MAP3K15: variants seen among roughly 807,000 people sequenced by gnomAD.
MAP3K15 encodes MAPK/ERK kinase kinase 15.
Under a neutral mutation model 99.5 loss-of-function variants are expected in MAP3K15, and 124 were observed. The ratio of observed to expected loss-of-function variants is 1.25; its 90% CI spans 1.08 to 1.45. The LOEUF (loss-of-function observed/expected upper bound fraction) is 1.45, where lower values mean the gene tolerates loss of function less well. Among genes scored for constraint, MAP3K15 ranks in the 40% most tolerant of loss-of-function variants. MAP3K15 has a pLI of 0.00. For missense variants in MAP3K15, 1,242 were observed against 1,079.7 expected, an observed-to-expected ratio of 1.15 and a Z score of -2.11; for synonymous variants, 494 against 439.6, an observed-to-expected ratio of 1.12 and a Z score of -1.55.
chrX:19,399,545 CA>C (rs1430068604), intron 14 of MAP3K15, among the ~76,000 whole-genome samples: 1 of 105,202 alleles, frequency 9.5e-6, no homozygotes, highest in Non-Finnish European at 2.0e-5. Context: ...GCCTGGGTAA[CA>C]GAGGAAGACT....
At chrX:19,465,796 G>A (rs1351757483) in intron 3 of MAP3K15, among the ~76,000 whole-genome samples, 1 of 104,083 alleles carries the variant, frequency 9.6e-6, no homozygotes, top group Non-Finnish European at 1.9e-5. Flanking sequence ...TACCAGTGTT[G>A]TAAGTAGAAA....
intron 6 of MAP3K15, among the ~76,000 whole-genome samples, chrX:19,444,919 A>G (rs981161349): frequency 1.8e-5 from 2 of 110,181 alleles, no homozygotes; most frequent in African/African-American, 6.6e-5. Flanking sequence ...CCCTCTCCCC[A>G]CTACCCCTGG....
At chrX:19,436,201 G>A (rs1441393055) in intron 6 of MAP3K15, among the ~76,000 whole-genome samples, 2 of 109,812 alleles carry the variant, frequency 1.8e-5, no homozygotes, top group African/African-American at 6.6e-5. Context: ...AATCACCTAG[G>A]AGCTTAAATC....
rs761246318 is a variant in MAP3K15, at chrX:19,393,760, C to CTTTTTTTTTTTTTT, written c.2195-1301_2195-1288dup. Among the ~76,000 whole-genome samples the CTTTTTTTTTTTTTT allele has an allele frequency of 1.3e-4, 8 of 60,243 alleles. 1 individual carries two copies. The highest frequency in any genetic ancestry group is 5.4e-4 in the African/African-American group (7 of 13,021). The allele number at this position is 60,243 out of a possible 115,157, so 52.3% of individuals were successfully genotyped here. A position where few individuals can be genotyped will look rare whatever the true frequency, so the allele number is the denominator to read the frequency against. ...TGAAAATCTAGCCCACTGCCTGGCT[C>CTTTTTTTTTTTTTT]TTTTTTTTTTTTTTTTTTTTTTTTT... On this transcript the variant is annotated intron_variant, in intron 16 of 28. Transcript: ENST00000338883.
rs145594845 is a variant in MAP3K15 at position 19,370,648 on chromosome X, C to T, written c.3400+311G>A. Among the ~76,000 whole-genome samples, 124 of 109,127 alleles carry T rather than the reference C, an allele frequency of 1.1e-3. 2 individuals carry two copies. The East Asian group carries it at 0.029, about 26-fold the overall frequency. 94.8% of individuals were successfully genotyped at this position (109,127 alleles called of 115,157 possible). A position where few individuals can be genotyped will look rare whatever the true frequency, so the allele number is the denominator to read the frequency against. On this transcript the variant is annotated intron_variant, in intron 24 of 28. Transcript: ENST00000338883. ...CTGACCTCAGCTGATCTGCCCACCT[C>T]GTCCTCCCAAAGTGCTGGGATTACA...
intron 9 of MAP3K15, among the ~76,000 whole-genome samples, chrX:19,415,553 T>C (rs1397934741): frequency 9.0e-6 from 1 of 111,636 alleles, no homozygotes; most frequent in Non-Finnish European, 1.9e-5. Flanking sequence ...GGTAACTGTT[T>C]TAAATAACAA....
At chrX:19,456,823 C>T in intron 6 of MAP3K15, 90 bp downstream of exon 6, 1 of 641,802 alleles carries the variant, frequency 1.6e-6, no homozygotes. Context: ...TAGCACGTGA[C>T]CTGGCTCATA....
chrX:19,495,745 C>T (rs2064396909), intron 1 of MAP3K15, among the ~76,000 whole-genome samples: 1 of 111,635 alleles, frequency 9.0e-6, no homozygotes, highest in African/African-American at 3.2e-5. Context: ...TCATCTTTTG[C>T]AAATACATAT....
chrX:19,457,215 A>G (rs899208667), intron 5 of MAP3K15, among the ~76,000 whole-genome samples, 196 bp from the exon 6 acceptor site: 68 of 112,216 alleles, frequency 6.1e-4, no homozygotes, highest in African/African-American at 2.2e-3. Flanking sequence ...GAGAGAGAAG[A>G]ACAGAGAAGG....
intron 28 of MAP3K15, 80 bp downstream of exon 28, chrX:19,361,259 G>T: frequency 1.2e-6 from 1 of 843,131 alleles, no homozygotes; most frequent in African/African-American, 2.0e-5. Context: ...GGGAGGCCCA[G>T]CCCTTTGTTT....
rs780474404 is a variant in MAP3K15, at chrX:19,460,015, AATG to A, written c.855_857del (p.Ile286del). 2.5e-6 allele frequency: 3 copies of A among 1,180,336 alleles called. No individual in the cohort carries two copies. The highest frequency in any genetic ancestry group is 1.9e-5 in the South Asian group (1 of 53,240). On this transcript the variant is annotated inframe_deletion, in exon 5 of 29. Coordinates refer to ENST00000338883, the MANE Select transcript of MAP3K15 (RefSeq NM_001001671.4). ...TATCACGGTAGGACAGGAGTAAGTT[AATG>A]ATGATGTCTGAGGTCAGAACCTCAG... is the stretch of plus-strand genomic sequence containing the variant.
chrX:19,410,528 G>A (rs1030403295), intron 11 of MAP3K15, among the ~76,000 whole-genome samples: 1 of 111,983 alleles, frequency 8.9e-6, no homozygotes, highest in African/African-American at 3.3e-5. Context: ...AAACTCCACA[G>A]CAACCCTCTA....
At chrX:19,362,517 G>T in intron 26 of MAP3K15, among the ~76,000 whole-genome samples, 1 of 110,938 alleles carries the variant, frequency 9.0e-6, no homozygotes, top group Non-Finnish European at 1.9e-5. Flanking sequence ...TTACAGGCAC[G>T]AGCTACGGTG....
intron 1 of MAP3K15, chrX:19,497,281 C>G (rs769515951): frequency 1.2e-4 from 13 of 108,979 alleles, no homozygotes; most frequent in Non-Finnish European, 2.3e-4. Flanking sequence ...CCTGCCTCAG[C>G]CTCCCGAGCA....
At position 19,515,315 on chromosome X, in the gene MAP3K15, T is replaced by C. The variant is rs2064555315; in HGVS notation, c.-54A>G. ...CGAGTGGCCAGCGGCTGCGATCCGC[T>C]AGGAGGCACAAGTTACAGCAGCCGC... On this transcript the variant is annotated 5_prime_UTR_variant, in exon 1 of 29. Transcript: ENST00000338883. 1 of 776,406 alleles carries C rather than the reference T, an allele frequency of 1.3e-6. No individual in the cohort carries two copies. Among genetic ancestry groups the C allele is most frequent in the Non-Finnish European group, 1.6e-6 (1 of 637,132 alleles). The allele number at this position is 776,406 out of a possible 1,213,427, so 64.0% of individuals were successfully genotyped here. A position where few individuals can be genotyped will look rare whatever the true frequency, so the allele number is the denominator to read the frequency against.
chrX:19,395,177 G>A lies in MAP3K15; in HGVS notation c.2098C>T (p.Leu700=). The A allele has an allele frequency of 8.3e-7, 1 of 1,208,682 alleles. No homozygotes were observed. Among genetic ancestry groups the A allele is most frequent in the Non-Finnish European group, 1.1e-6 (1 of 893,653 alleles). The change falls in exon 16 of 29, where the codon CTG becomes TTG. Residue 700 remains leucine, a synonymous_variant. Transcript: ENST00000338883. ...YSQPLHEEIA[L]HKYLKHRNIV... ...TTGCGGTGCTTAAGGTACTTGTGCA[G>A]GGCTATCTCCTCGTGCAGAGGCTGA... is the stretch of plus-strand genomic sequence containing the variant.
chrX:19,428,400 G>A (rs2063850067), intron 7 of MAP3K15, among the ~76,000 whole-genome samples: 1 of 111,523 alleles, frequency 9.0e-6, no homozygotes, highest in Non-Finnish European at 1.9e-5. Context: ...TTCTGTTTTG[G>A]CTTTACCAAA....
intron 18 of MAP3K15, among the ~76,000 whole-genome samples, chrX:19,381,220 T>C (rs957205742): frequency 9.0e-6 from 1 of 111,127 alleles, no homozygotes; most frequent in Non-Finnish European, 1.9e-5. Context: ...AGAGATTTAT[T>C]GGGGAGAAGG....
chrX:19,478,492 A>G (rs1399565560), intron 3 of MAP3K15, among the ~76,000 whole-genome samples: 1 of 108,174 alleles, frequency 9.2e-6, no homozygotes, highest in Non-Finnish European at 1.9e-5. Context: ...TGGCAAGAGG[A>G]AAAAAACAGG....
Sources: gnomAD v4.1 joint callset for allele counts (sites outside exome capture counted in the v4.1 genomes callset) on GRCh38, gnomAD v4.1.1 for gene constraint, MANE v1.5 for transcripts, NCBI Gene and HGNC (gene_info 2026-07-23, HGNC 2026-07-21) for gene names.